The following AP1G1 variants were observed in gnomAD, a reference collection of about 807,000 sequenced individuals.
AP1G1 encodes adaptor related protein complex 1 subunit gamma 1.
A neutral mutation model predicts 108.3 loss-of-function variants in AP1G1; 7 were observed. The ratio of observed to expected loss-of-function variants is 0.06; its 90% confidence interval spans 0.04 to 0.12. The LOEUF (loss-of-function observed/expected upper bound fraction) is 0.12, where lower values mean the gene tolerates loss of function less well. Among genes scored for constraint, AP1G1 ranks in the 10% least tolerant of loss-of-function variants. The pLI, the probability that AP1G1 is intolerant of heterozygous loss-of-function variation, is 1.00. For missense variants in AP1G1, 756 were observed against 1,010.7 expected, an observed-to-expected ratio of 0.75 and a Z score of 3.42; for synonymous variants, 379 against 353.5, an observed-to-expected ratio of 1.07 and a Z score of -0.81.
chr16:71,729,432 G>GA lies in AP1G1; in HGVS notation c.*3625dup, dbSNP rs61081595. ...CGCAACCGCAGGTTCTTTGAGGGAAGAAAAAAAAAAAAAAAAAAACCAACT... is the reference window on the plus strand; with the variant it reads ...CGCAACCGCAGGTTCTTTGAGGGAAGAAAAAAAAAAAAAAAAAAAACCAACT... On this transcript the variant is annotated 3_prime_UTR_variant, in exon 23 of 23. Coordinates refer to ENST00000299980, the MANE Select transcript of AP1G1 (RefSeq NM_001128.6). 0.29 allele frequency: 26,529 copies of GA among 92,080 alleles called. 2,869 individuals are homozygous for GA. The highest frequency in any genetic ancestry group is 0.35 in the Admixed American group (3,144 of 8,946). The allele number at this position is 92,080 out of a possible 1,614,324, so 5.7% of individuals were successfully genotyped here. A position where few individuals can be genotyped will look rare whatever the true frequency, so the allele number is the denominator to read the frequency against.
intron 19 of AP1G1, among the ~76,000 whole-genome samples, chr16:71,740,974 G>C (rs185347357): frequency 1.3e-5 from 2 of 152,270 alleles, no homozygotes; most frequent in Admixed American, 1.3e-4. Context: ...ATAAAGTGGG[G>C]TGGGAAAAAG....
At chr16:71,775,814 G>A (rs1172482451) in intron 2 of AP1G1, among the ~76,000 whole-genome samples, 1 of 152,166 alleles carries the variant, frequency 6.6e-6, no homozygotes, top group Non-Finnish European at 1.5e-5. Context: ...ACTCAGTAGT[G>A]GAATTAAGCT....
At chr16:71,806,698 C>T in intron 1 of AP1G1, 1 of 1,288,188 alleles carries the variant, frequency 7.8e-7, no homozygotes, top group South Asian at 1.2e-5. Flanking sequence ...AATGAGTGAG[C>T]ATTACATAGG....
chr16:71,733,030 G>T lies in AP1G1; in HGVS notation c.*28C>A. On this transcript the variant is annotated 3_prime_UTR_variant, in exon 23 of 23. Coordinates refer to ENST00000299980, the MANE Select transcript of AP1G1 (RefSeq NM_001128.6). Reference sequence around the variant, plus strand: ...TCCCAGAGTTCCTTTGATTGAGTGGGATAAAGAATGAGAATGGTGCCAAAC... The same window carrying T: ...TCCCAGAGTTCCTTTGATTGAGTGGTATAAAGAATGAGAATGGTGCCAAAC... The T allele has an allele frequency of 1.3e-6, 2 of 1,569,142 alleles. No individual in the cohort carries two copies. Among genetic ancestry groups the T allele is most frequent in the Middle Eastern group, 1.7e-4 (1 of 5,974 alleles).
At chr16:71,788,339 TA>T (rs1409751965) in intron 2 of AP1G1, among the ~76,000 whole-genome samples, 3 of 152,180 alleles carry the variant, frequency 2.0e-5, no homozygotes, top group Non-Finnish European at 2.9e-5. Context: ...TAATATGAAA[TA>T]AAAAAAACCC....
chr16:71,739,315 C>T lies in AP1G1; in HGVS notation c.2026G>A (p.Ala676Thr). ...GGCTGGGATATCTGTGGGACTGAGG[C>T]AGGGGCAGGAGCAGCAGCTGGAGCA... ...TGAPAAAPAP[A>T]SVPQISQPPF... The change falls in exon 20 of 23, where the codon GCC (alanine) becomes ACC (threonine). Residue 676 changes from alanine (A) to threonine (T), a missense_variant. This residue lies in a region of AP1G1 where 357 missense variants were observed against 366.5 expected (regional missense o/e 0.97). Transcript: ENST00000299980. The T allele has an allele frequency of 6.2e-7, 1 of 1,608,256 alleles. No homozygotes were observed. The highest frequency in any genetic ancestry group is 2.2e-5 in the East Asian group (1 of 44,770).
Position 71,739,354 on chromosome 16 carries a change from T to A in AP1G1, c.2000-13A>T. On this transcript the variant is annotated splice_polypyrimidine_tract_variant and intron_variant, in intron 19 of 22. Transcript: ENST00000299980. Reference sequence around the variant, plus strand: ...GCAGCTGGAGCACCTAAAGGAAATATTTTAATGGAAAGTTAACCTTAGGCA... The same window carrying A: ...GCAGCTGGAGCACCTAAAGGAAATAATTTAATGGAAAGTTAACCTTAGGCA... 6.4e-7 allele frequency: 1 copy of A among 1,569,476 alleles called. No individual in the cohort carries two copies. The highest frequency in any genetic ancestry group is 1.2e-5 in the South Asian group (1 of 84,058).
rs758471813 is a variant in AP1G1 at position 71,769,688 on chromosome 16, T to C, written c.577A>G (p.Thr193Ala). 2 of 1,613,128 alleles carry C rather than the reference T, an allele frequency of 1.2e-6. No individual in the cohort carries two copies. The highest frequency in any genetic ancestry group is 1.3e-5 in the African/African-American group (1 of 74,924). The stretch of plus-strand genomic sequence containing the variant: ...ATTTCTGTGAGGAGGACTACAGATG[T>C]GTGGAGGACACCTGAAAGAAAAGAT... ...LNEKNHGVLH[T>A]SVVLLTEMCE... The change falls in exon 6 of 23, where the codon ACA (threonine) becomes GCA (alanine). Residue 193 changes from threonine (T) to alanine (A), a missense_variant. Physicochemically the swap from Thr to Ala is moderately conservative, Grantham distance 58. Around this residue, in one of 3 missense-constraint regions of AP1G1, gnomAD observed 304 missense variants for 483.6 expected, o/e 0.63. Coordinates refer to ENST00000299980, the MANE Select transcript of AP1G1 (RefSeq NM_001128.6).
intron 12 of AP1G1, among the ~76,000 whole-genome samples, chr16:71,755,374 T>C (rs1464954137): frequency 1.3e-5 from 2 of 151,680 alleles, no homozygotes; most frequent in Non-Finnish European, 2.9e-5. Flanking sequence ...GAGGTCAAGG[T>C]TGCACTGAGC....
chr16:71,771,928 T>C (rs950169303), intron 4 of AP1G1, among the ~76,000 whole-genome samples: 1 of 152,170 alleles, frequency 6.6e-6, no homozygotes, highest in African/African-American at 2.4e-5. Flanking sequence ...ACTTAGTCTC[T>C]ACTAAAGAAA....
chr16:71,732,959 G>A lies in AP1G1; in HGVS notation c.*99C>T, dbSNP rs1381233769. On this transcript the variant is annotated 3_prime_UTR_variant, in exon 23 of 23. Coordinates refer to ENST00000299980, the MANE Select transcript of AP1G1 (RefSeq NM_001128.6). ...TCAGCAGTTCTCTTCAGCTCCTCATGCCCGTGGTACAGTTGGGGGGGACTT... is the reference window on the plus strand; with the variant it reads ...TCAGCAGTTCTCTTCAGCTCCTCATACCCGTGGTACAGTTGGGGGGGACTT... 4 of 884,282 alleles carry A rather than the reference G, an allele frequency of 4.5e-6. No individual in the cohort carries two copies. Among genetic ancestry groups the A allele is most frequent in the Non-Finnish European group, 7.1e-6 (4 of 560,558 alleles). 54.8% of individuals were successfully genotyped at this position (884,282 alleles called of 1,614,324 possible).
intron 2 of AP1G1, among the ~76,000 whole-genome samples, chr16:71,778,418 C>T (rs2031871707): frequency 6.6e-6 from 1 of 152,180 alleles, no homozygotes. Context: ...CGCAGTGGCT[C>T]ACACCTGTAA....
At chr16:71,807,663 T>C in intron 1 of AP1G1, 1 of 507,748 alleles carries the variant, frequency 2.0e-6, no homozygotes, top group South Asian at 1.8e-5. Flanking sequence ...ATGAAATCAT[T>C]ACAAGTATTT....
chr16:71,736,116 AAATATAT>A (rs1378037447), intron 21 of AP1G1, among the ~76,000 whole-genome samples: 25 of 65,610 alleles, frequency 3.8e-4, no homozygotes, highest in South Asian at 1.6e-3. Context: ...AAAAAAAAAA[AAATATAT>A]ATATATATAT....
At position 71,729,312 on chromosome 16, in the gene AP1G1, T is replaced by TTTA. The variant is rs1334254818; in HGVS notation, c.*3743_*3745dup. 2 of 152,358 alleles carry TTTA rather than the reference T, an allele frequency of 1.3e-5. No individual in the cohort carries two copies. Among genetic ancestry groups the TTTA allele is most frequent in the Non-Finnish European group, 2.9e-5 (2 of 68,002 alleles). The allele number at this position is 152,358 out of a possible 1,614,324, so 9.4% of individuals were successfully genotyped here. ...TACAACACTAAGAAAGAAAAGGGCC[T>TTTA]TTATAGGAACACAGTGGGAGTTCAT... On this transcript the variant is annotated 3_prime_UTR_variant, in exon 23 of 23. Transcript: ENST00000299980.
Position 71,808,717 on chromosome 16 carries a change from G to C in AP1G1, c.-4+46C>G, listed in dbSNP as rs895411762. On this transcript the variant is annotated intron_variant, in intron 1 of 22. Coordinates refer to ENST00000299980, the MANE Select transcript of AP1G1 (RefSeq NM_001128.6). Reference sequence around the variant, plus strand: ...CCGGTCGAGCGCCCGCGGCAGCGGCGGGGCAAAAGCAGCAATATGCTCTCA... The same window carrying C: ...CCGGTCGAGCGCCCGCGGCAGCGGCCGGGCAAAAGCAGCAATATGCTCTCA... 2.3e-6 allele frequency: 3 copies of C among 1,285,386 alleles called. No individual in the cohort carries two copies. The African/African-American group carries it at 4.6e-5, about 20-fold the overall frequency. 79.6% of individuals were successfully genotyped at this position (1,285,386 alleles called of 1,614,324 possible).
chr16:71,749,896 G>C lies in AP1G1; in HGVS notation c.1495C>G (p.Gln499Glu), dbSNP rs1267834612. 2 of 1,602,452 alleles carry C rather than the reference G, an allele frequency of 1.2e-6. No homozygotes were observed. The highest frequency in any genetic ancestry group is 2.7e-5 in the African/African-American group (2 of 74,730). The change falls in exon 15 of 23, where the codon CAG becomes GAG. Residue 499 changes from glutamine (Q) to glutamate (E), a missense_variant and splice_region_variant. Around this residue, in one of 3 missense-constraint regions of AP1G1, gnomAD observed 357 missense variants for 366.5 expected, o/e 0.97. Transcript: ENST00000299980. ...SGQCEEEEPI[Q>E]VTEDEVLDIL... ...TAACCAAGAGTGACAAGGAGTACCTGAATAGGCTCTTCCTCTTCACACTGG... is the reference window on the plus strand; with the variant it reads ...TAACCAAGAGTGACAAGGAGTACCTCAATAGGCTCTTCCTCTTCACACTGG...
At chr16:71,776,329 C>T (rs563660111) in intron 2 of AP1G1, among the ~76,000 whole-genome samples, 1 of 152,138 alleles carries the variant, frequency 6.6e-6, no homozygotes, top group Admixed American at 6.5e-5. Flanking sequence ...AGGAACATAA[C>T]CAGGATCAAA....
intron 12 of AP1G1, among the ~76,000 whole-genome samples, chr16:71,755,436 C>CA (rs979555412): frequency 1.3e-5 from 2 of 150,846 alleles, no homozygotes; most frequent in Non-Finnish European, 3.0e-5. Context: ...GACCCTGTCT[C>CA]AAAAAAACCC....
Sources: allele counts gnomAD v4.1 joint callset (sites outside exome capture counted in the v4.1 genomes callset), GRCh38; gene constraint gnomAD v4.1.1; regional missense constraint gnomAD v4.1.1; transcripts MANE v1.5; gene names NCBI Gene and HGNC (gene_info 2026-07-23, HGNC 2026-07-21).